The following C8B variants were observed in gnomAD, a reference collection of about 807,000 sequenced individuals.
The protein encoded by C8B is complement C8 beta chain.
Under a neutral mutation model 64.6 loss-of-function variants are expected in C8B, and 67 were observed. The observed-to-expected ratio is 1.04, with a 90% CI of 0.85 to 1.27. The LOEUF (loss-of-function observed/expected upper bound fraction) is 1.27, where lower values mean the gene tolerates loss of function less well. Among genes scored for constraint, C8B ranks in the 50% most tolerant of loss-of-function variants. The pLI, the probability that C8B is intolerant of heterozygous loss-of-function variation, is 0.00. For synonymous variants in C8B, 284 were observed against 257.7 expected (o/e 1.10, Z -0.98); for missense variants, 790 against 725.2 (o/e 1.09, Z -1.03).
chr1:56,963,199 CT>C (rs1264332099), intron 1 of C8B, among the ~76,000 whole-genome samples: 1 of 152,148 alleles, frequency 6.6e-6, no homozygotes, highest in Non-Finnish European at 1.5e-5. Flanking sequence ...GTCTCCCACT[CT>C]TTTCCTAACA....
chr1:56,949,011 T>TA (rs1644982234), intron 6 of C8B, among the ~76,000 whole-genome samples: 1 of 151,902 alleles, frequency 6.6e-6, no homozygotes, highest in Admixed American at 6.5e-5. Flanking sequence ...GTTAGCTATT[T>TA]TTTTTTTTTG....
Position 56,945,861 on chromosome 1 carries a change from T to G in C8B, c.1065A>C (p.Glu355Asp). The G allele has an allele frequency of 6.2e-7, 1 of 1,614,102 alleles. No homozygotes were observed. The highest frequency in any genetic ancestry group is 8.5e-7 in the Non-Finnish European group (1 of 1,180,006). Residue 355 changes from glutamate to aspartate, a missense_variant, in exon 7 of 12, where the codon GAA becomes GAC. Coordinates refer to ENST00000371237, the MANE Select transcript of C8B (RefSeq NM_000066.4). ...CCTCTTTGTTCATAACGAGGGTGTA[T>G]TCATAAATGCCCCCAAGCACAGCCT... ...ITEAVLGGIY[E>D]YTLVMNKEAM...
chr1:56,963,987 C>T (rs1645215923), intron 1 of C8B: 1 of 985,244 alleles, frequency 1.0e-6, no homozygotes, highest in South Asian at 4.7e-5. Context: ...AGATGGAATT[C>T]AAATACCTGT....
intron 3 of C8B, among the ~76,000 whole-genome samples, chr1:56,955,817 A>C (rs894796861): frequency 1.8e-4 from 28 of 152,236 alleles, no homozygotes; most frequent in African/African-American, 6.5e-4. Context: ...TGCACAGTCC[A>C]CATGGGTACA....
chr1:56,954,295 G>C (rs901206167), intron 4 of C8B, among the ~76,000 whole-genome samples: 1 of 152,110 alleles, frequency 6.6e-6, no homozygotes, highest in Admixed American at 6.5e-5. Context: ...GGGCAGACCT[G>C]GATAAAACCT....
chr1:56,964,102 G>A (rs1645217454), intron 1 of C8B: 1 of 562,758 alleles, frequency 1.8e-6, no homozygotes, highest in Admixed American at 6.4e-5. Flanking sequence ...ATCTTTTCTT[G>A]TCACTGAGGA....
intron 1 of C8B, among the ~76,000 whole-genome samples, chr1:56,960,436 G>A (rs1645162571): frequency 6.6e-6 from 1 of 152,132 alleles, no homozygotes; most frequent in Non-Finnish European, 1.5e-5. Flanking sequence ...TATTGAACAT[G>A]TAGTAAGCAC....
At chr1:56,949,883 A>T in intron 5 of C8B, 131 bp from the exon 6 acceptor site, 1 of 717,610 alleles carries the variant, frequency 1.4e-6, no homozygotes, top group Non-Finnish European at 2.4e-6. Context: ...CAGAGAAATC[A>T]GGGCCGATTT....
intron 1 of C8B, among the ~76,000 whole-genome samples, chr1:56,964,448 C>T (rs1328299755): frequency 6.6e-6 from 1 of 152,196 alleles, no homozygotes; most frequent in Non-Finnish European, 1.5e-5. Flanking sequence ...TCAAGGCCCA[C>T]TGAGGTGTCT....
intron 9 of C8B, 34 bp downstream of exon 9, chr1:56,940,815 T>G (rs1644840615): frequency 2.5e-6 from 4 of 1,613,670 alleles, no homozygotes; most frequent in Non-Finnish European, 3.4e-6. Context: ...ATTTTCTGGG[T>G]GGAGGAAAGG....
At chr1:56,934,591 T>A (rs1644749871) in intron 9 of C8B, among the ~76,000 whole-genome samples, 1 of 152,228 alleles carries the variant, frequency 6.6e-6, no homozygotes, top group Non-Finnish European at 1.5e-5. Flanking sequence ...AGGGTACGTC[T>A]AAATGCAGGC....
At chr1:56,954,864 G>A (rs1314002260) in intron 3 of C8B, 37 bp from the exon 4 acceptor site, 2 of 1,613,798 alleles carry the variant, frequency 1.2e-6, no homozygotes, top group African/African-American at 1.3e-5. Flanking sequence ...CAGCCACATG[G>A]TTGGCAAGAA....
intron 1 of C8B, among the ~76,000 whole-genome samples, chr1:56,961,523 T>C (rs1489985525): frequency 6.6e-6 from 1 of 151,974 alleles, no homozygotes; most frequent in Non-Finnish European, 1.5e-5. Context: ...GGCTCTAGAG[T>C]ATATACGGGT....
At chr1:56,959,784 C>G (rs1015898078) in intron 2 of C8B, 1 of 738,682 alleles carries the variant, frequency 1.4e-6, no homozygotes, top group African/African-American at 1.8e-5. Flanking sequence ...GGCAGAGAGT[C>G]TAATTAGGAA....
chr1:56,961,885 G>A (rs58938477), intron 1 of C8B, among the ~76,000 whole-genome samples: 4,574 of 152,218 alleles, frequency 0.03, 208 homozygotes, highest in African/African-American at 0.1. Flanking sequence ...ACTTTAAAAC[G>A]GTTACTTGAG....
chr1:56,960,279 T>A, intron 1 of C8B, 103 bp from the exon 2 acceptor site: 1 of 1,048,186 alleles, frequency 9.5e-7, no homozygotes, highest in Non-Finnish European at 1.5e-6. Flanking sequence ...TGCTCACTTG[T>A]GCAAGGCTAT....
intron 9 of C8B, 40 bp downstream of exon 9, chr1:56,940,809 T>C (rs1322820696): frequency 6.2e-7 from 1 of 1,613,542 alleles, no homozygotes; most frequent in Non-Finnish European, 8.5e-7. Context: ...GAAGCTATTT[T>C]CTGGGTGGAG....
chr1:56,932,492 C>A, intron 10 of C8B, among the ~76,000 whole-genome samples: 1 of 152,150 alleles, frequency 6.6e-6, no homozygotes, highest in Non-Finnish European at 1.5e-5. Context: ...GTCCAAATTT[C>A]GTACAAGGCA....
chr1:56,963,660 C>G (rs1038934839), intron 1 of C8B: 1 of 160,254 alleles, frequency 6.2e-6, no homozygotes, highest in East Asian at 1.9e-4. Flanking sequence ...GACTCTGAGA[C>G]CTGAATGAAA....
Sources: gnomAD v4.1 joint callset for allele counts (sites outside exome capture counted in the v4.1 genomes callset) on GRCh38, gnomAD v4.1.1 for gene constraint, MANE v1.5 for transcripts, NCBI Gene and HGNC (gene_info 2026-07-23, HGNC 2026-07-21) for gene names.